The following TULP4 variants were observed in gnomAD, a reference collection of about 807,000 sequenced individuals.
The protein encoded by TULP4 is tubby-related protein 4.
In TULP4, 16 loss-of-function variants were observed where a neutral mutation model predicts 129.0. The observed-to-expected ratio is 0.12, with a 90% CI of 0.08 to 0.19. TULP4 has a LOEUF of 0.19. Ranked by LOEUF, TULP4 falls within the 10% of genes least tolerant of loss-of-function variation. TULP4 has a pLI of 1.00. For missense variants in TULP4, 1,842 were observed against 2,059.1 expected (o/e 0.89, Z 2.04); for synonymous variants, 998 against 854.0 (o/e 1.17, Z -2.94).
intron 9 of TULP4, among the ~76,000 whole-genome samples, chr6:158,490,902 C>A (rs1780184750): frequency 1.3e-5 from 2 of 151,452 alleles, no homozygotes; most frequent in South Asian, 4.2e-4. Context: ...GATTATACTA[C>A]AATTAGTTTA....
chr6:158,348,628 C>T (rs954754618), intron 1 of TULP4, among the ~76,000 whole-genome samples: 38 of 152,092 alleles, frequency 2.5e-4, no homozygotes, highest in Non-Finnish European at 7.4e-5. Flanking sequence ...CCCACATTTC[C>T]CCCTTTTCTT....
intron 1 of TULP4, among the ~76,000 whole-genome samples, chr6:158,389,763 A>G (rs2114942470): frequency 6.6e-6 from 1 of 152,276 alleles, no homozygotes; most frequent in East Asian, 1.9e-4. Context: ...CCTCCCAGAC[A>G]TCATTTGCAG....
intron 3 of TULP4, among the ~76,000 whole-genome samples, chr6:158,430,371 T>C (rs1342415625): frequency 6.6e-6 from 1 of 152,206 alleles, no homozygotes; most frequent in Admixed American, 6.5e-5. Flanking sequence ...AAAATTGAAT[T>C]TCAAAATGTT....
At position 158,489,621 on chromosome 6, in the gene TULP4, T is replaced by A; in HGVS notation, c.1520T>A (p.Val507Glu). 6.2e-7 allele frequency: 1 copy of A among 1,614,202 alleles called. No individual in the cohort carries two copies. The highest frequency in any genetic ancestry group is 1.1e-5 in the South Asian group (1 of 91,082). Residue 507 changes from valine (V) to glutamate (E), a missense_variant, in exon 9 of 14, where the codon GTG (valine) becomes GAG (glutamate). By Grantham distance (121) the Val-to-Glu change is moderately radical (BLOSUM62 -2). Coordinates refer to ENST00000367097, the MANE Select transcript of TULP4 (RefSeq NM_020245.5). ...EIYGNSLIST[V>E]IDSCNCSDSS... ...TATGGGAACAGCTTGATTTCTACTG[T>A]GATCGACAGCTGCAACTGCTCAGAC...
At chr6:158,310,512 G>T (rs902673076), upstream of TULP4, 1 of 151,982 alleles carries the variant, frequency 6.6e-6, no homozygotes, top group Non-Finnish European at 1.5e-5. Context: ...GTAGAGACAG[G>T]GTTTCACCAT....
At chr6:158,346,695 A>G (rs1240403198) in intron 1 of TULP4, among the ~76,000 whole-genome samples, 1 of 152,230 alleles carries the variant, frequency 6.6e-6, no homozygotes, top group Non-Finnish European at 1.5e-5. Flanking sequence ...ATTTAGGCAG[A>G]GTATTTAATG....
At chr6:158,496,536 C>G (rs1218494250) in intron 11 of TULP4, among the ~76,000 whole-genome samples, 1 of 152,154 alleles carries the variant, frequency 6.6e-6, no homozygotes, top group Non-Finnish European at 1.5e-5. Flanking sequence ...GCAAATAAAT[C>G]TCTCATAATA....
At chr6:158,432,644 T>C (rs1234617828) in intron 3 of TULP4, among the ~76,000 whole-genome samples, 2 of 152,146 alleles carry the variant, frequency 1.3e-5, no homozygotes, top group Non-Finnish European at 2.9e-5. Flanking sequence ...GGGTGGATCA[T>C]GAGGTCAGGA....
At chr6:158,256,816 A>T (rs761949373) in intron 1 of TULP4, among the ~76,000 whole-genome samples, 1 of 152,170 alleles carries the variant, frequency 6.6e-6, no homozygotes, top group South Asian at 2.1e-4. Flanking sequence ...CTTCCCCCCT[A>T]TGCTTTTAAG....
intron 6 of TULP4, among the ~76,000 whole-genome samples, chr6:158,465,570 G>A (rs574407936): frequency 2.0e-5 from 3 of 152,260 alleles, no homozygotes; most frequent in South Asian, 2.1e-4. Context: ...AGGAACTGCC[G>A]TACTGTTTTT....
chr6:158,408,471 AAC>A (rs1778015095), intron 1 of TULP4, among the ~76,000 whole-genome samples: 1 of 152,200 alleles, frequency 6.6e-6, no homozygotes, highest in South Asian at 2.1e-4. Context: ...GTGAATTAAT[AAC>A]ACAGAGCTCT....
At chr6:158,297,969 G>A (rs529599822) in intron 1 of TULP4, among the ~76,000 whole-genome samples, 1 of 151,998 alleles carries the variant, frequency 6.6e-6, no homozygotes, top group Non-Finnish European at 1.5e-5. Flanking sequence ...TTCCCAGAGC[G>A]GCCGTTTATA....
At chr6:158,449,771 A>G (rs1779127534) in intron 4 of TULP4, among the ~76,000 whole-genome samples, 1 of 151,920 alleles carries the variant, frequency 6.6e-6, no homozygotes, top group South Asian at 2.1e-4. Flanking sequence ...GGTGGGGATG[A>G]CCTCAAATTC....
rs1001174126 is a variant in TULP4 at position 158,236,805 on chromosome 6, T to C, written n.68+4502T>C. On this transcript the variant is annotated intron_variant and non_coding_transcript_variant, in intron 1 of 1. Coordinates refer to the TULP4 transcript ENST00000620026. ...ATGCCCAATTCTTTTCTTTTTTTTTTTTTTTTTTTTTTTTTTTTTTTTTTT... is the reference window on the plus strand; with the variant it reads ...ATGCCCAATTCTTTTCTTTTTTTTTCTTTTTTTTTTTTTTTTTTTTTTTTT... 7.6e-4 allele frequency among the ~76,000 whole-genome samples: 40 copies of C among 52,818 alleles called. 4 individuals carry two copies. Among genetic ancestry groups the C allele is most frequent in the Non-Finnish European group, 3.0e-4 (8 of 27,024 alleles). The allele number at this position is 52,818 out of a possible 152,430, so 34.7% of individuals were successfully genotyped here. A position where few individuals can be genotyped will look rare whatever the true frequency, so the allele number is the denominator to read the frequency against.
chr6:158,392,024 C>G (rs1052084034), intron 1 of TULP4, among the ~76,000 whole-genome samples: 10 of 152,148 alleles, frequency 6.6e-5, no homozygotes, highest in African/African-American at 1.9e-4. Flanking sequence ...AGTTCATTTT[C>G]ATGCTGCTGA....
intron 3 of TULP4, among the ~76,000 whole-genome samples, chr6:158,438,565 C>CTGTT (rs1562566070): frequency 2.9e-4 from 35 of 122,640 alleles, no homozygotes; most frequent in African/African-American, 8.9e-4. Context: ...AAAAACACCA[C>CTGTT]AGTTTGTTTG....
intron 5 of TULP4, among the ~76,000 whole-genome samples, chr6:158,456,231 G>A (rs971101590): frequency 6.6e-6 from 1 of 152,164 alleles, no homozygotes; most frequent in Admixed American, 6.5e-5. Context: ...TGGTGGTTAA[G>A]TCTTTCCTGG....
intron 1 of TULP4, among the ~76,000 whole-genome samples, chr6:158,319,328 C>T (rs1317537228): frequency 6.6e-6 from 1 of 152,130 alleles, no homozygotes; most frequent in Admixed American, 6.5e-5. Context: ...CTTGTGTCTT[C>T]ATTTAAGGGA....
chr6:158,443,767 TTA>T (rs1491240471), intron 3 of TULP4, among the ~76,000 whole-genome samples: 4 of 150,228 alleles, frequency 2.7e-5, no homozygotes, highest in African/African-American at 4.9e-5. Context: ...ATTTCATCTT[TTA>T]AAAAAAAAAA....
Sources: allele counts gnomAD v4.1 joint callset (sites outside exome capture counted in the v4.1 genomes callset), GRCh38; gene constraint gnomAD v4.1.1; transcripts MANE v1.5; gene names NCBI Gene and HGNC (gene_info 2026-07-23, HGNC 2026-07-21).